The following RAB43 variants were observed in gnomAD, a reference collection of about 807,000 sequenced individuals.
RAB43 encodes ras-related protein Rab-43.
In RAB43, 6 loss-of-function variants were observed where a neutral mutation model predicts 18.8. The observed-to-expected ratio is 0.32, with a 90% CI of 0.17 to 0.63. RAB43 has a LOEUF of 0.63. Among genes scored for constraint, RAB43 ranks in the 30% least tolerant of loss-of-function variants. The probability of loss-of-function intolerance (pLI) is 0.79; values close to 1 mark genes in which losing one functional copy is unlikely to be tolerated. For missense variants in RAB43, 195 were observed against 289.1 expected (o/e 0.67, Z 2.36); for synonymous variants, 103 against 124.1 (o/e 0.83, Z 1.13).
chr3:129,111,017 C>T (rs1270177797), intron 1 of RAB43, among the ~76,000 whole-genome samples: 1 of 151,964 alleles, frequency 6.6e-6, no homozygotes. Context: ...AAATGCACAG[C>T]AAACTGGCCC....
At chr3:129,092,644 C>T (rs1181744248) in intron 2 of RAB43, 5 of 545,486 alleles carry the variant, frequency 9.2e-6, no homozygotes, top group African/African-American at 1.9e-5. Context: ...AGATAAAATA[C>T]TATTTTCATA....
At chr3:129,117,038 T>G (rs1186348805) in intron 1 of RAB43, among the ~76,000 whole-genome samples, 1 of 152,124 alleles carries the variant, frequency 6.6e-6, no homozygotes, top group Admixed American at 6.5e-5. Flanking sequence ...AAAAAATATA[T>G]ATTTATAAAT....
chr3:129,114,173 C>A (rs1320705935), intron 1 of RAB43, among the ~76,000 whole-genome samples: 2 of 152,202 alleles, frequency 1.3e-5, no homozygotes, highest in African/African-American at 2.4e-5. Context: ...CCGAACACTA[C>A]CCCCAGTTCA....
upstream of RAB43, chr3:129,122,000 G>C (rs1244174762): frequency 1.5e-3 from 124 of 85,294 alleles, no homozygotes; most frequent in South Asian, 7.2e-3. Context: ...CCCCGACTCC[G>C]ACCCGACTCT....
intron 1 of RAB43, among the ~76,000 whole-genome samples, chr3:129,105,719 G>A (rs775696807): frequency 1.9e-4 from 29 of 151,190 alleles, no homozygotes; most frequent in Non-Finnish European, 3.4e-4. Context: ...GGTGGAGGTT[G>A]CAGTGAGCCG....
chr3:129,102,447 G>A (rs546088510), intron 1 of RAB43, among the ~76,000 whole-genome samples: 56 of 152,064 alleles, frequency 3.7e-4, no homozygotes, highest in African/African-American at 1.3e-3. Context: ...TGGCTAACAT[G>A]GTGAAACCCC....
chr3:129,108,820 A>C (rs1160319827), intron 1 of RAB43, among the ~76,000 whole-genome samples: 1 of 152,178 alleles, frequency 6.6e-6, no homozygotes, highest in East Asian at 1.9e-4. Flanking sequence ...AAGCTGGTAA[A>C]CACCACCCTA....
intron 2 of RAB43, among the ~76,000 whole-genome samples, chr3:129,091,979 G>C (rs374995175): frequency 1.3e-5 from 2 of 151,612 alleles, no homozygotes; most frequent in Admixed American, 6.6e-5. Context: ...CCTGAGGCAG[G>C]AGTGGCAAGC....
Position 129,121,459 on chromosome 3 carries a change from G to C in RAB43, c.31C>G (p.Pro11Ala). The C allele has an allele frequency of 6.2e-7, 1 of 1,612,454 alleles. No individual in the cohort carries two copies. The highest frequency in any genetic ancestry group is 8.5e-7 in the Non-Finnish European group (1 of 1,179,354). Residue 11 changes from proline (P) to alanine (A), a missense_variant, in exon 1 of 3, where the codon CCG becomes GCG. Coordinates refer to ENST00000315150, the MANE Select transcript of RAB43 (RefSeq NM_198490.3). MAGPGPGPGD[P>A]DEQYDFLFKL... ...AACAGGAAATCGTACTGCTCGTCCG[G>C]GTCCCCCGGGCCTGGGCCCGGCCCT...
chr3:129,102,333 G>A (rs534672395), intron 1 of RAB43, among the ~76,000 whole-genome samples: 3 of 152,244 alleles, frequency 2.0e-5, no homozygotes, highest in African/African-American at 4.8e-5. Context: ...GCTCTGGTTT[G>A]TTTTTAAAAT....
chr3:129,118,369 G>GT (rs1279609452), intron 1 of RAB43, among the ~76,000 whole-genome samples: 3 of 152,184 alleles, frequency 2.0e-5, no homozygotes, highest in Non-Finnish European at 2.9e-5. Context: ...AAATGTTTCG[G>GT]TTTTTTTAGC....
At chr3:129,113,946 G>C (rs1014097737) in intron 1 of RAB43, among the ~76,000 whole-genome samples, 1 of 152,126 alleles carries the variant, frequency 6.6e-6, no homozygotes, top group Non-Finnish European at 1.5e-5. Flanking sequence ...AGAACTGCTT[G>C]AACCAGGGAG....
rs1179567012 is a variant in RAB43 at position 129,095,018 on chromosome 3, T to C, written c.356A>G (p.Tyr119Cys). Residue 119 changes from tyrosine to cysteine, a missense_variant, in exon 2 of 3, where the codon TAT (tyrosine) becomes TGT (cysteine). Transcript: ENST00000315150. This position sits in a 1 kb window ranked among gnomAD's most constrained non-coding sequence, Gnocchi z 4.2. The stretch of plus-strand genomic sequence containing the variant: ...CAGCTGCACAATGTTGGAGCCCGCA[T>C]ACTTCCTCACATCCTCAATCCAGTG... ...VPHWIEDVRK[Y>C]AGSNIVQLLI... 6.2e-7 allele frequency: 1 copy of C among 1,612,396 alleles called. No individual in the cohort carries two copies. Among genetic ancestry groups the C allele is most frequent in the Admixed American group, 1.7e-5 (1 of 59,820 alleles).
chr3:129,111,960 G>A (rs1191503285), intron 1 of RAB43, among the ~76,000 whole-genome samples: 5 of 152,104 alleles, frequency 3.3e-5, no homozygotes, highest in African/African-American at 1.2e-4. Flanking sequence ...TAAAAGCCAA[G>A]AGTAAAGCCA....
At position 129,121,226 on chromosome 3, in the gene RAB43, C is replaced by T. The variant is rs988979473; in HGVS notation, c.204+60G>A. ...GTGCGCTCGCCGCGGCCAGGGGCTC[C>T]GCTGCCCCCGCCCCACCCTCCGAGG... On this transcript the variant is annotated intron_variant, in intron 1 of 2. Coordinates refer to ENST00000315150, the MANE Select transcript of RAB43 (RefSeq NM_198490.3). 53 of 1,441,860 alleles carry T rather than the reference C, an allele frequency of 3.7e-5. 1 individual carries two copies. The highest frequency in any genetic ancestry group is 2.9e-5 in the Non-Finnish European group (31 of 1,064,582). The allele number at this position is 1,441,860 out of a possible 1,614,324, so 89.3% of individuals were successfully genotyped here.
Position 129,091,153 on chromosome 3 carries a change from G to A in RAB43, c.582C>T (p.Pro194=), listed in dbSNP as rs750815802. 7.6e-6 allele frequency: 12 copies of A among 1,578,012 alleles called. No individual in the cohort carries two copies. The highest frequency in any genetic ancestry group is 4.5e-5 in the South Asian group (4 of 88,084). ...HGGPLFSEKS[P]DHIQLNSKDI... ...CCTTGCTGTTCAGCTGGATGTGGTC[G>A]GGGCTCTTCTCGCTGAACAAGGGGC... is the stretch of plus-strand genomic sequence containing the variant. Residue 194 remains proline (P), a synonymous_variant, in exon 3 of 3, where the codon CCC becomes CCT. Coordinates refer to ENST00000315150, the MANE Select transcript of RAB43 (RefSeq NM_198490.3).
At chr3:129,108,486 G>C (rs190346892) in intron 1 of RAB43, among the ~76,000 whole-genome samples, 1 of 152,238 alleles carries the variant, frequency 6.6e-6, no homozygotes, top group Non-Finnish European at 1.5e-5. Flanking sequence ...AGTCCCCAGA[G>C]ACTGCCTCTT....
intron 1 of RAB43, among the ~76,000 whole-genome samples, chr3:129,119,627 T>A (rs886855418): frequency 6.6e-6 from 1 of 152,134 alleles, no homozygotes; most frequent in Non-Finnish European, 1.5e-5. Context: ...GCTACACAGC[T>A]CTTCTGCTCC....
chr3:129,114,175 C>G (rs554569357), intron 1 of RAB43, among the ~76,000 whole-genome samples: 2 of 152,296 alleles, frequency 1.3e-5, no homozygotes, highest in East Asian at 3.9e-4. Flanking sequence ...GAACACTACC[C>G]CCAGTTCATC....
Sources: gnomAD v4.1 joint callset for allele counts (sites outside exome capture counted in the v4.1 genomes callset) on GRCh38, gnomAD v4.1.1 for gene constraint, Gnocchi (gnomAD v3.1) non-coding constraint, MANE v1.5 for transcripts, NCBI Gene and HGNC (gene_info 2026-07-23, HGNC 2026-07-21) for gene names.